The following ACVR1 variants were observed in gnomAD, a reference collection of about 807,000 sequenced individuals.
The protein encoded by ACVR1 is activin receptor type-1.
In ACVR1, 38 loss-of-function variants were observed where a neutral mutation model predicts 57.1. The ratio of observed to expected loss-of-function variants is 0.67; its 90% CI spans 0.51 to 0.87. The LOEUF is 0.87. Ranked by LOEUF, ACVR1 falls within the 40% of genes least tolerant of loss-of-function variation. The probability of loss-of-function intolerance (pLI) is 0.00; values close to 1 mark genes in which losing one functional copy is unlikely to be tolerated. For synonymous variants in ACVR1, 212 were observed against 228.1 expected, an observed-to-expected ratio of 0.93 and a Z score of 0.63; for missense variants, 463 against 638.2, an observed-to-expected ratio of 0.73 and a Z score of 2.96.
At chr2:157,872,215 A>G (rs1558861028) in intron 1 of ACVR1, among the ~76,000 whole-genome samples, 2 of 152,308 alleles carry the variant, frequency 1.3e-5, no homozygotes, top group Non-Finnish European at 2.9e-5. Context: ...TTGGGAAAAT[A>G]AAACAGGAGA....
chr2:157,815,804 A>G (rs1574100634), intron 2 of ACVR1, among the ~76,000 whole-genome samples: 2 of 152,202 alleles, frequency 1.3e-5, no homozygotes, highest in Non-Finnish European at 2.9e-5. Context: ...CAAAACTGAC[A>G]CCTTGGCAGC....
chr2:157,766,857 A>G (rs1685881642), intron 7 of ACVR1, among the ~76,000 whole-genome samples: 1 of 152,234 alleles, frequency 6.6e-6, no homozygotes, highest in African/African-American at 2.4e-5. Context: ...TAAAATACGA[A>G]AAGTACTATA....
intron 7 of ACVR1, 28 bp downstream of exon 7, chr2:157,770,340 T>C: frequency 1.2e-6 from 2 of 1,613,218 alleles, no homozygotes; most frequent in Non-Finnish European, 1.7e-6. Flanking sequence ...CTAGATACAA[T>C]TAATGAGGGG....
chr2:157,851,973 G>T (rs1030202320), intron 1 of ACVR1, among the ~76,000 whole-genome samples: 1 of 141,750 alleles, frequency 7.1e-6, no homozygotes, highest in Non-Finnish European at 1.5e-5. Flanking sequence ...TGTAATACAT[G>T]GGAGCAATGT....
chr2:157,773,371 C>T lies in ACVR1; in HGVS notation c.643+717G>A, dbSNP rs564876876. 3.9e-5 allele frequency among the ~76,000 whole-genome samples: 6 copies of T among 152,296 alleles called. No individual in the cohort carries two copies. In the South Asian group the frequency reaches 8.3e-4, roughly 21 times the overall value. On this transcript the variant is annotated intron_variant, in intron 6 of 10. Transcript: ENST00000434821. ...AGTTCCTGGGAATTTTTTCTGAGAA[C>T]TCAAAAGAAAGAAGCAATGTGTGCA...
chr2:157,756,465 A>G lies in ACVR1; in HGVS notation c.1264+4415T>C, dbSNP rs565427025. ...AGGGACTCAAGCAAATTAGCAAGAA[A>G]AAAACAACTTCATCAAAAAGTGGGC... On this transcript the variant is annotated intron_variant, in intron 9 of 10. Transcript: ENST00000434821. 1.2e-4 allele frequency among the ~76,000 whole-genome samples: 18 copies of G among 152,240 alleles called. No homozygotes were observed. In the South Asian group the frequency reaches 3.5e-3, roughly 30 times the overall value.
intron 3 of ACVR1, among the ~76,000 whole-genome samples, chr2:157,791,903 A>T (rs1686929088): frequency 6.6e-6 from 1 of 152,232 alleles, no homozygotes; most frequent in South Asian, 2.1e-4. Context: ...GGCATGCTAC[A>T]GTATTATATA....
chr2:157,762,711 C>CAGTT (rs1685709077), intron 8 of ACVR1, among the ~76,000 whole-genome samples: 1 of 152,140 alleles, frequency 6.6e-6, no homozygotes, highest in Non-Finnish European at 1.5e-5. Flanking sequence ...GGTATCTTCA[C>CAGTT]AGTTAGGATA....
At chr2:157,767,736 A>C (rs1464362341) in intron 7 of ACVR1, among the ~76,000 whole-genome samples, 2 of 152,138 alleles carry the variant, frequency 1.3e-5, no homozygotes, top group East Asian at 3.8e-4. Context: ...ACAGATAATA[A>C]AGTTGGTGCT....
chr2:157,875,752 A>G (rs1690266101), intron 1 of ACVR1, 44 bp downstream of exon 1: 1 of 151,992 alleles, frequency 6.6e-6, no homozygotes, highest in Non-Finnish European at 1.5e-5. Flanking sequence ...CTCCTCCCTC[A>G]GTCCTCCCGG....
chr2:157,780,915 T>C (rs1686494906), intron 3 of ACVR1, among the ~76,000 whole-genome samples: 1 of 152,212 alleles, frequency 6.6e-6, no homozygotes, highest in South Asian at 2.1e-4. Context: ...TCATATAACC[T>C]TCAGCGTGAT....
rs78503003 is a variant in ACVR1, at chr2:157,873,957, C to G, written c.-183+1839G>C. Among the ~76,000 whole-genome samples the G allele has an allele frequency of 7.1e-3, 1,074 of 152,316 alleles. 13 individuals are homozygous for G. Among genetic ancestry groups the G allele is most frequent in the African/African-American group, 0.024 (1,001 of 41,572 alleles). ...CCTTTAAATTCCTCACAGATAACAA[C>G]AAACTTGCTAGAATTCAAATGATCA... On this transcript the variant is annotated intron_variant, in intron 1 of 10. Transcript: ENST00000434821.
intron 2 of ACVR1, among the ~76,000 whole-genome samples, chr2:157,803,141 A>G (rs1687388892): frequency 6.6e-6 from 1 of 152,166 alleles, no homozygotes; most frequent in South Asian, 2.1e-4. Flanking sequence ...AATCTAAGAA[A>G]CAATCACCAC....
intron 2 of ACVR1, among the ~76,000 whole-genome samples, chr2:157,805,863 G>A (rs1422087556): frequency 1.3e-4 from 19 of 144,010 alleles, no homozygotes; most frequent in Admixed American, 3.5e-4. Context: ...TTGCTCTGTG[G>A]CCCAGGCTGG....
At chr2:157,859,053 G>A (rs562011164) in intron 1 of ACVR1, among the ~76,000 whole-genome samples, 8 of 152,282 alleles carry the variant, frequency 5.3e-5, no homozygotes, top group African/African-American at 1.9e-4. Context: ...TTGAATCAGA[G>A]CAACTCCATC....
intron 5 of ACVR1, among the ~76,000 whole-genome samples, chr2:157,775,311 T>C (rs1036066009): frequency 6.6e-6 from 1 of 152,234 alleles, no homozygotes; most frequent in Non-Finnish European, 1.5e-5. Context: ...AGTTAGTTCA[T>C]TGATAAGGTT....
intron 1 of ACVR1, among the ~76,000 whole-genome samples, chr2:157,838,734 C>G (rs1335396412): frequency 6.6e-6 from 1 of 152,174 alleles, no homozygotes; most frequent in Non-Finnish European, 1.5e-5. Flanking sequence ...TCCTCTGTTC[C>G]TCTCCTCTGC....
chr2:157,740,734 C>A (rs776270143), intron 9 of ACVR1, among the ~76,000 whole-genome samples: 1 of 152,134 alleles, frequency 6.6e-6, no homozygotes, highest in African/African-American at 2.4e-5. Context: ...TCTGGTGATA[C>A]CAAACAATGA....
chr2:157,803,064 CAAGT>C (rs1281605457), intron 2 of ACVR1, among the ~76,000 whole-genome samples: 1 of 151,746 alleles, frequency 6.6e-6, no homozygotes, highest in East Asian at 1.9e-4. Flanking sequence ...GAATTTAGCT[CAAGT>C]AATAGTAAAA....
Sources: gnomAD v4.1 joint callset for allele counts (sites outside exome capture counted in the v4.1 genomes callset) on GRCh38, gnomAD v4.1.1 for gene constraint, MANE v1.5 for transcripts, NCBI Gene and HGNC (gene_info 2026-07-23, HGNC 2026-07-21) for gene names.